Variants in LARGE1 observed in about 807,000 individuals in gnomAD.
The protein encoded by LARGE1 is xylosyl- and glucuronyltransferase LARGE1.
Under a neutral mutation model 87.6 loss-of-function variants are expected in LARGE1, and 43 were observed. That is an observed-to-expected ratio of 0.49 (90% CI 0.38 to 0.63). LARGE1 has a LOEUF of 0.63. Ranked by LOEUF, LARGE1 falls within the 30% of genes least tolerant of loss-of-function variation. LARGE1 has a pLI of 0.00. For synonymous variants in LARGE1, 434 were observed against 394.6 expected (o/e 1.10, Z -1.18); for missense variants, 802 against 1,000.2 (o/e 0.80, Z 2.67).
chr22:33,844,324 C>T (rs1601756517), intron 1 of LARGE1, among the ~76,000 whole-genome samples: 1 of 152,106 alleles, frequency 6.6e-6, no homozygotes, highest in African/African-American at 2.4e-5. Flanking sequence ...CTGTTTGTTT[C>T]CCAAATTCAA....
At position 33,213,709 on chromosome 22, in the gene LARGE1, CT is replaced by C. The variant is rs558029983; in HGVS notation, c.1731-46878del. On this transcript the variant is annotated intron_variant, in intron 11 of 11. Coordinates refer to the LARGE1 transcript ENST00000608642. ...ATGTAAATTAAGGTCTATACTTTGT[CT>C]TTTTAAAATATAATGCAATTGCAAA... Among the ~76,000 whole-genome samples the C allele has an allele frequency of 4.7e-4, 71 of 152,304 alleles. No homozygotes were observed. The East Asian group carries it at 0.013, about 28-fold the overall frequency.
At chr22:33,487,954 T>C (rs2069659608) in intron 6 of LARGE1, among the ~76,000 whole-genome samples, 1 of 152,252 alleles carries the variant, frequency 6.6e-6, no homozygotes, top group African/African-American at 2.4e-5. Flanking sequence ...AAGCAGCTTA[T>C]CAACCACAAT....
intron 1 of LARGE1, among the ~76,000 whole-genome samples, chr22:33,810,585 C>A (rs939007270): frequency 5.3e-5 from 8 of 152,160 alleles, no homozygotes; most frequent in South Asian, 4.1e-4. Context: ...AACCATTATG[C>A]GCCCTTTTCT....
chr22:33,399,823 G>C (rs1027953148), intron 7 of LARGE1, among the ~76,000 whole-genome samples: 2 of 152,070 alleles, frequency 1.3e-5, no homozygotes, highest in African/African-American at 4.8e-5. Context: ...GCTGGGATTA[G>C]AGGCGTGAGC....
intron 11 of LARGE1, among the ~76,000 whole-genome samples, chr22:33,222,072 T>A (rs964558035): frequency 6.6e-6 from 1 of 152,192 alleles, no homozygotes; most frequent in Non-Finnish European, 1.5e-5. Flanking sequence ...AAAATGTAAT[T>A]TCTCTCTATT....
intron 6 of LARGE1, among the ~76,000 whole-genome samples, chr22:33,487,787 T>C (rs138665885): frequency 1.9e-4 from 29 of 152,320 alleles, no homozygotes; most frequent in Admixed American, 4.6e-4. Flanking sequence ...TGCTGCTCAC[T>C]GACGGCAAGA....
chr22:33,130,142 G>A, the LARGE1 span, among the ~76,000 whole-genome samples: 105 of 151,232 alleles, frequency 6.9e-4, no homozygotes, highest in African/African-American at 2.5e-3. Context: ...GTGAAACCCC[G>A]TCTCTACTAA....
chr22:33,096,690 G>T, the LARGE1 span, among the ~76,000 whole-genome samples: 1 of 150,750 alleles, frequency 6.6e-6, no homozygotes, highest in South Asian at 2.1e-4. Flanking sequence ...TCCGCCTCCC[G>T]AGCAGGTGGG....
At chr22:33,862,385 C>A (rs916910247) in intron 1 of LARGE1, among the ~76,000 whole-genome samples, 1 of 152,174 alleles carries the variant, frequency 6.6e-6, no homozygotes, top group East Asian at 1.9e-4. Context: ...GAGGTTATAT[C>A]CGAACATCTT....
chr22:33,776,447 C>A (rs2085240491), intron 1 of LARGE1, among the ~76,000 whole-genome samples: 2 of 152,198 alleles, frequency 1.3e-5, no homozygotes, highest in Non-Finnish European at 2.9e-5. Context: ...GCAAATTTAT[C>A]TTTCCTGAGG....
At chr22:33,806,983 C>A (rs9609872) in intron 1 of LARGE1, among the ~76,000 whole-genome samples, 40,859 of 151,598 alleles carry the variant, frequency 0.27, 5,674 homozygotes, top group East Asian at 0.4. Flanking sequence ...GCACTCCAGC[C>A]GGGCGACACA....
chr22:33,897,918 C>T (rs2065186464), intron 1 of LARGE1, among the ~76,000 whole-genome samples: 1 of 152,120 alleles, frequency 6.6e-6, no homozygotes, highest in African/African-American at 2.4e-5. Context: ...TTCTGGGTGG[C>T]AAGGGCATAA....
intron 13 of LARGE1, among the ~76,000 whole-genome samples, chr22:33,282,201 C>T (rs1182372774): frequency 2.0e-5 from 3 of 152,226 alleles, no homozygotes; most frequent in Middle Eastern, 3.4e-3. Context: ...CAAAATTTGC[C>T]GGGCATGGTG....
intron 1 of LARGE1, among the ~76,000 whole-genome samples, chr22:33,890,180 A>G (rs1203662674): frequency 4.6e-5 from 7 of 152,232 alleles, no homozygotes; most frequent in African/African-American, 1.2e-4. Context: ...GGTTAAGCGC[A>G]TAATTCTGGT....
intron 4 of LARGE1, among the ~76,000 whole-genome samples, chr22:33,620,447 A>C (rs894521351): frequency 6.6e-6 from 1 of 152,070 alleles, no homozygotes; most frequent in Non-Finnish European, 1.5e-5. Context: ...CATTCCCCCC[A>C]ATTTTCCTCT....
intron 6 of LARGE1, among the ~76,000 whole-genome samples, chr22:33,553,852 T>A (rs1181425006): frequency 6.6e-6 from 1 of 152,132 alleles, no homozygotes; most frequent in Admixed American, 6.5e-5. Flanking sequence ...TTCCTCCCCC[T>A]TGGTGAGGAG....
chr22:33,792,852 T>C (rs2085865381), intron 1 of LARGE1, among the ~76,000 whole-genome samples: 2 of 152,146 alleles, frequency 1.3e-5, no homozygotes, highest in Admixed American at 1.3e-4. Flanking sequence ...TCTCACTGTG[T>C]TCAGGGACTT....
the LARGE1 span, among the ~76,000 whole-genome samples, chr22:33,075,157 T>C: frequency 6.6e-6 from 1 of 152,214 alleles, no homozygotes. Context: ...CAAGAGACAG[T>C]GATAGCCACC....
chr22:33,589,196 A>G (rs999633627), intron 5 of LARGE1, among the ~76,000 whole-genome samples: 3 of 152,210 alleles, frequency 2.0e-5, no homozygotes, highest in Admixed American at 2.0e-4. Context: ...TCCACAGCTA[A>G]GAAGTCTTGG....
Sources: gnomAD v4.1 joint callset for allele counts (sites outside exome capture counted in the v4.1 genomes callset) on GRCh38, gnomAD v4.1.1 for gene constraint, MANE v1.5 for transcripts, NCBI Gene and HGNC (gene_info 2026-07-23, HGNC 2026-07-21) for gene names.